The following ATP9B variants were observed in gnomAD, a reference collection of about 807,000 sequenced individuals.
The protein encoded by ATP9B is probable phospholipid-transporting ATPase IIB.
Under a neutral mutation model 146.1 loss-of-function variants are expected in ATP9B, and 110 were observed. The ratio of observed to expected loss-of-function variants is 0.75; its 90% confidence interval spans 0.65 to 0.88. The LOEUF (loss-of-function observed/expected upper bound fraction) is 0.88. Ranked by LOEUF, ATP9B falls within the 40% of genes least tolerant of loss-of-function variation. ATP9B has a pLI of 0.00. For missense variants in ATP9B, 1,499 were observed against 1,496.4 expected, an observed-to-expected ratio of 1.00 and a Z score of -0.03; for synonymous variants, 604 against 569.7, an observed-to-expected ratio of 1.06 and a Z score of -0.86.
intron 11 of ATP9B, among the ~76,000 whole-genome samples, chr18:79,214,261 A>G (rs186776901): frequency 6.6e-6 from 1 of 152,256 alleles, no homozygotes; most frequent in African/African-American, 2.4e-5. Context: ...TCAGTTTTAT[A>G]TGTGTCTTAA....
chr18:79,106,195 A>G (rs1218842471), intron 2 of ATP9B, among the ~76,000 whole-genome samples: 2 of 152,178 alleles, frequency 1.3e-5, no homozygotes, highest in African/African-American at 2.4e-5. Context: ...TTCCTGAATA[A>G]TCAATAATTT....
In ATP9B at chr18:79,128,929, C is replaced by T. The variant is rs960314841; in HGVS notation, c.667+2554C>T. ...TGGAAAGCTTTTTCCCCACAATTGT[C>T]CTGATCTCAGCACCTTCTCCCAACA... On this transcript the variant is annotated intron_variant, in intron 5 of 29. Coordinates refer to ENST00000426216, the MANE Select transcript of ATP9B (RefSeq NM_198531.5). Among the ~76,000 whole-genome samples, 3 of 152,288 alleles carry T rather than the reference C, an allele frequency of 2.0e-5. No individual in the cohort carries two copies. In the South Asian group the frequency reaches 6.2e-4, roughly 32 times the overall value.
intron 12 of ATP9B, among the ~76,000 whole-genome samples, chr18:79,255,796 A>C (rs957735158): frequency 7.2e-5 from 11 of 152,060 alleles, no homozygotes; most frequent in Non-Finnish European, 1.6e-4. Flanking sequence ...CAGCTTGAGA[A>C]CCTGTCTCAA....
chr18:79,330,358 G>A (rs186921845), intron 17 of ATP9B, among the ~76,000 whole-genome samples: 55 of 151,766 alleles, frequency 3.6e-4, no homozygotes, highest in African/African-American at 9.9e-4. Flanking sequence ...TTAAGTGCTT[G>A]CAGTTCTCAA....
chr18:79,089,903 C>T (rs2074172618), intron 1 of ATP9B, among the ~76,000 whole-genome samples: 1 of 152,190 alleles, frequency 6.6e-6, no homozygotes, highest in African/African-American at 2.4e-5. Context: ...CATTACCCAT[C>T]CATTCTTTGT....
chr18:79,166,171 C>A (rs752385804), intron 7 of ATP9B, among the ~76,000 whole-genome samples: 7 of 152,174 alleles, frequency 4.6e-5, no homozygotes, highest in Non-Finnish European at 1.0e-4. Context: ...TGGCAGAGTT[C>A]ATTTCTGAGG....
At position 79,376,291 on chromosome 18, in the gene ATP9B, T is replaced by C. The variant is rs2097103106; in HGVS notation, c.3307+865T>C. The C allele has an allele frequency of 3.0e-6, 3 of 984,880 alleles. No homozygotes were observed. The African/African-American group carries it at 5.3e-5, about 17-fold the overall frequency. The allele number at this position is 984,880 out of a possible 1,614,324, so 61.0% of individuals were successfully genotyped here. ...GTTAGGTGAGCTGGTGTCTCTTCCC[T>C]AAGCACCACAACTAGTACTTCAGTG... On this transcript the variant is annotated intron_variant, in intron 29 of 29. Coordinates refer to ENST00000426216, the MANE Select transcript of ATP9B (RefSeq NM_198531.5).
At chr18:79,101,825 T>C (rs542852713) in intron 2 of ATP9B, among the ~76,000 whole-genome samples, 5 of 152,360 alleles carry the variant, frequency 3.3e-5, no homozygotes, top group South Asian at 2.1e-4. Context: ...ATCTTTAATT[T>C]CTACTTGTGT....
chr18:79,085,284 C>T (rs1161365519), intron 1 of ATP9B: 4 of 152,214 alleles, frequency 2.6e-5, no homozygotes, highest in Non-Finnish European at 5.9e-5. Context: ...TTCAGTATCT[C>T]CCACTAGGCC....
intron 15 of ATP9B, among the ~76,000 whole-genome samples, chr18:79,313,303 A>G (rs1568653204): frequency 1.3e-5 from 2 of 152,218 alleles, no homozygotes; most frequent in Admixed American, 1.3e-4. Flanking sequence ...TGTAAGATTT[A>G]TCAGTTGCTG....
chr18:79,340,507 C>T (rs1002369934), intron 19 of ATP9B: 4 of 152,096 alleles, frequency 2.6e-5, no homozygotes, highest in African/African-American at 9.7e-5. Flanking sequence ...TGAGAAGAGC[C>T]ACAGGTGGAG....
intron 1 of ATP9B, among the ~76,000 whole-genome samples, chr18:79,079,215 T>C (rs2072977981): frequency 6.6e-6 from 1 of 152,238 alleles, no homozygotes; most frequent in Non-Finnish European, 1.5e-5. Context: ...TTTCTGGTTC[T>C]AGATCCTTGA....
intron 11 of ATP9B, among the ~76,000 whole-genome samples, chr18:79,243,082 T>C (rs1372413101): frequency 6.6e-6 from 1 of 152,252 alleles, no homozygotes; most frequent in African/African-American, 2.4e-5. Context: ...CTTCTTTCTC[T>C]TTCTTTGCTA....
intron 26 of ATP9B, chr18:79,360,307 G>A (rs568114600): frequency 3.9e-5 from 6 of 152,318 alleles, no homozygotes; most frequent in Non-Finnish European, 7.3e-5. Context: ...AATGACAGGT[G>A]TCTGAAATTA....
In ATP9B at chr18:79,376,777, C is replaced by T. The variant is rs1453660951; in HGVS notation, c.3308-470C>T. 5.3e-5 allele frequency among the ~76,000 whole-genome samples: 8 copies of T among 151,664 alleles called. 1 individual carries two copies. The highest frequency in any genetic ancestry group is 2.9e-5 in the Non-Finnish European group (2 of 67,930). On this transcript the variant is annotated intron_variant, in intron 29 of 29. Coordinates refer to ENST00000426216, the MANE Select transcript of ATP9B (RefSeq NM_198531.5). ...TGGCGTGATCTGAGCTCACTGCACCCTCCACCTCCCGGGTTCAAGCAATTC... is the reference window on the plus strand; with the variant it reads ...TGGCGTGATCTGAGCTCACTGCACCTTCCACCTCCCGGGTTCAAGCAATTC...
At chr18:79,296,296 G>T (rs2096547216) in intron 13 of ATP9B, among the ~76,000 whole-genome samples, 1 of 152,244 alleles carries the variant, frequency 6.6e-6, no homozygotes, top group Admixed American at 6.5e-5. Context: ...AATGACAGGT[G>T]TGAGCCACCA....
chr18:79,302,449 T>G lies in ATP9B; in HGVS notation c.1412-1155T>G, dbSNP rs550356227. On this transcript the variant is annotated intron_variant, in intron 13 of 29. Coordinates refer to ENST00000426216, the MANE Select transcript of ATP9B (RefSeq NM_198531.5). ...GCGTGGCAGCACGTTGTGAAATAAGTGCACACACCCCCGGGGACAAGGTGA... is the reference window on the plus strand; with the variant it reads ...GCGTGGCAGCACGTTGTGAAATAAGGGCACACACCCCCGGGGACAAGGTGA... Among the ~76,000 whole-genome samples, 25 of 150,890 alleles carry G rather than the reference T, an allele frequency of 1.7e-4. 1 individual carries two copies. The South Asian group carries it at 4.6e-3, about 28-fold the overall frequency.
At chr18:79,131,155 C>T (rs1374158547) in intron 5 of ATP9B, among the ~76,000 whole-genome samples, 3 of 151,496 alleles carry the variant, frequency 2.0e-5, no homozygotes, top group South Asian at 2.1e-4. Flanking sequence ...AGCAAGACTC[C>T]GTCTCAAAAA....
intron 9 of ATP9B, among the ~76,000 whole-genome samples, chr18:79,196,103 G>T (rs1036559344): frequency 6.6e-6 from 1 of 152,200 alleles, no homozygotes; most frequent in Non-Finnish European, 1.5e-5. Context: ...GGCCAGGTTG[G>T]TGTCAGTGTT....
Sources: gnomAD v4.1 joint callset for allele counts (sites outside exome capture counted in the v4.1 genomes callset) on GRCh38, gnomAD v4.1.1 for gene constraint, MANE v1.5 for transcripts, NCBI Gene and HGNC (gene_info 2026-07-23, HGNC 2026-07-21) for gene names.